MED12L: variants seen among roughly 807,000 people sequenced by gnomAD.
The protein encoded by MED12L is mediator of RNA polymerase II transcription subunit 12-like protein.
A neutral mutation model predicts 281.3 loss-of-function variants in MED12L; 60 were observed. The ratio of observed to expected loss-of-function variants is 0.21; its 90% CI spans 0.17 to 0.26. MED12L has a LOEUF of 0.26. Among genes scored for constraint, MED12L ranks in the 10% least tolerant of loss-of-function variants. The probability of loss-of-function intolerance (pLI) is 1.00; values close to 1 mark genes in which losing one functional copy is unlikely to be tolerated. For synonymous variants in MED12L, 974 were observed against 987.2 expected (o/e 0.99, Z 0.25); for missense variants, 2,146 against 2,680.9 (o/e 0.80, Z 4.41).
rs1560142559 is a variant in MED12L, at chr3:151,416,329, G to T, written c.6315G>T (p.Gln2105His). 1 of 1,610,370 alleles carries T rather than the reference G, an allele frequency of 6.2e-7. No individual in the cohort carries two copies. Among genetic ancestry groups the T allele is most frequent in the Non-Finnish European group, 8.5e-7 (1 of 1,178,062 alleles). The change falls in exon 43 of 45, where the codon CAG (glutamine) becomes CAT (histidine). Residue 2105 changes from glutamine (Q) to histidine (H), a missense_variant. Physicochemically the swap from Gln to His is conservative, Grantham distance 24. Transcript: ENST00000687756. ...QRLLQMQQPQ[Q>H]PQPQQPPQPQ... ...CTTTCCAGATGCAGCAGCCCCAGCA[G>T]CCCCAGCCCCAGCAGCCTCCCCAGC...
intron 25 of MED12L, among the ~76,000 whole-genome samples, chr3:151,368,456 G>A (rs181404913): frequency 6.6e-6 from 1 of 152,044 alleles, no homozygotes; most frequent in African/African-American, 2.4e-5. Context: ...TGAGAAATAC[G>A]AATCAAGAGT....
intron 16 of MED12L, among the ~76,000 whole-genome samples, chr3:151,292,288 C>CTTTTTTTTTTTTTTTTTT (rs35742538): frequency 5.7e-5 from 8 of 139,892 alleles, no homozygotes; most frequent in African/African-American, 1.6e-4. Flanking sequence ...AATATTGCTC[C>CTTTTTTTTTTTTTTTTTT]TTTTTTTTTT....
intron 16 of MED12L, chr3:151,294,698 T>C (rs763691702): frequency 2.5e-6 from 4 of 1,614,084 alleles, no homozygotes; most frequent in Admixed American, 3.3e-5. Flanking sequence ...CTCTGTTGGC[T>C]GACCATTTGT....
chr3:151,174,781 G>A (rs934667502), intron 11 of MED12L, among the ~76,000 whole-genome samples: 10 of 152,108 alleles, frequency 6.6e-5, no homozygotes, highest in South Asian at 2.1e-4. Flanking sequence ...GCGGTGGTGC[G>A]ATCACAGCTG....
intron 16 of MED12L, among the ~76,000 whole-genome samples, chr3:151,309,201 C>G (rs768129705): frequency 6.6e-6 from 1 of 151,536 alleles, no homozygotes; most frequent in Non-Finnish European, 1.5e-5. Context: ...AATTTATCAA[C>G]TTCTGGCATT....
chr3:151,365,529 A>G (rs908155812), intron 22 of MED12L, among the ~76,000 whole-genome samples: 2 of 152,242 alleles, frequency 1.3e-5, no homozygotes, highest in Non-Finnish European at 2.9e-5. Context: ...GTCCACCTAA[A>G]TTACATGATG....
chr3:151,423,342 A>C (rs548855650), intron 43 of MED12L, among the ~76,000 whole-genome samples: 2 of 152,274 alleles, frequency 1.3e-5, no homozygotes, highest in East Asian at 3.9e-4. Flanking sequence ...ATCACTTTAA[A>C]AACTTATAAA....
chr3:151,265,427 A>G (rs1453930161), intron 16 of MED12L, among the ~76,000 whole-genome samples: 1 of 152,182 alleles, frequency 6.6e-6, no homozygotes, highest in African/African-American at 2.4e-5. Context: ...GAGTATCATT[A>G]TCTTCTGCTT....
intron 16 of MED12L, among the ~76,000 whole-genome samples, chr3:151,194,296 G>T (rs1243006675): frequency 6.6e-6 from 1 of 152,044 alleles, no homozygotes; most frequent in Non-Finnish European, 1.5e-5. Flanking sequence ...AAGTAAATTT[G>T]CTGAGTAGCT....
chr3:151,307,367 A>G (rs1746797027), intron 16 of MED12L, among the ~76,000 whole-genome samples: 1 of 152,210 alleles, frequency 6.6e-6, no homozygotes, highest in Non-Finnish European at 1.5e-5. Flanking sequence ...TTAGTCTCCT[A>G]AATGTGTTGG....
In MED12L at chr3:151,250,739, A is replaced by G. The variant is rs138286524; in HGVS notation, c.2250+57073A>G. Among the ~76,000 whole-genome samples the G allele has an allele frequency of 3.9e-4, 59 of 152,296 alleles. 1 individual carries two copies. In the East Asian group the frequency reaches 9.7e-3, roughly 25 times the overall value. On this transcript the variant is annotated intron_variant, in intron 16 of 44. Coordinates refer to ENST00000687756, the MANE Select transcript of MED12L (RefSeq NM_001393769.1). The stretch of plus-strand genomic sequence containing the variant: ...TGCTGCTATGAAAGTGGGTATACAA[A>G]TATCTGCTTAAGACCCTACTTTCAG...
chr3:151,394,735 C>T lies in MED12L; in HGVS notation c.5688C>T (p.Arg1896=). Residue 1896 remains arginine (R), a synonymous_variant, in exon 39 of 45, where the codon CGC becomes CGT. Transcript: ENST00000687756. ...CTCTGTCAAACATGCTACAGCGGCG[C>T]TCAGGCGCCATGATGCAGCCGCCTT... The part of the protein sequence containing the change: ...KQALSNMLQR[R]SGAMMQPPSL... 6.2e-7 allele frequency: 1 copy of T among 1,614,290 alleles called. No individual in the cohort carries two copies. The highest frequency in any genetic ancestry group is 8.5e-7 in the Non-Finnish European group (1 of 1,180,056).
chr3:151,273,492 C>T lies in MED12L; in HGVS notation c.2251-76567C>T, dbSNP rs142512574. Among the ~76,000 whole-genome samples, 79 of 151,064 alleles carry T rather than the reference C, an allele frequency of 5.2e-4. 1 individual carries two copies. Among genetic ancestry groups the T allele is most frequent in the East Asian group, 9.7e-4 (5 of 5,134 alleles). ...TTCTGACCTTGTGATCTGCCCACCT[C>T]GGCCTCCCAAAGTGTTGGGATTACA... On this transcript the variant is annotated intron_variant, in intron 16 of 44. Transcript: ENST00000687756.
intron 16 of MED12L, among the ~76,000 whole-genome samples, chr3:151,252,958 T>C (rs1323109257): frequency 6.6e-6 from 1 of 152,204 alleles, no homozygotes; most frequent in African/African-American, 2.4e-5. Flanking sequence ...GGAATGTGTA[T>C]ACATTTAGGA....
chr3:151,110,605 T>A (rs1292718372), intron 2 of MED12L, among the ~76,000 whole-genome samples: 1 of 152,230 alleles, frequency 6.6e-6, no homozygotes, highest in East Asian at 1.9e-4. Flanking sequence ...TTTCACTTAG[T>A]TTCTCTAGGT....
intron 16 of MED12L, among the ~76,000 whole-genome samples, chr3:151,195,025 T>C (rs1724461335): frequency 6.6e-6 from 1 of 152,074 alleles, no homozygotes; most frequent in Non-Finnish European, 1.5e-5. Context: ...TTAGCAGGCC[T>C]GGTGGCGGGC....
chr3:151,266,708 T>C (rs1162349916), intron 16 of MED12L, among the ~76,000 whole-genome samples: 1 of 152,130 alleles, frequency 6.6e-6, no homozygotes, highest in Non-Finnish European at 1.5e-5. Context: ...GAGGAAAGCT[T>C]TGGGACTTGG....
intron 16 of MED12L, among the ~76,000 whole-genome samples, chr3:151,332,344 G>A (rs1236845772): frequency 6.6e-6 from 1 of 152,174 alleles, no homozygotes. Flanking sequence ...TCTTAGAAAA[G>A]ACTTTTACTT....
intron 16 of MED12L, among the ~76,000 whole-genome samples, chr3:151,211,843 G>T (rs1001430971): frequency 6.6e-6 from 1 of 152,066 alleles, no homozygotes; most frequent in African/African-American, 2.4e-5. Context: ...ACAGAGTTTC[G>T]CCATGTTGCC....
Sources: gnomAD v4.1 joint callset for allele counts (sites outside exome capture counted in the v4.1 genomes callset) on GRCh38, gnomAD v4.1.1 for gene constraint, MANE v1.5 for transcripts, NCBI Gene and HGNC (gene_info 2026-07-23, HGNC 2026-07-21) for gene names.